Variants in ASTN2 observed in about 807,000 individuals in gnomAD.
The protein encoded by ASTN2 is astrotactin 2, also known as astrotactin-2.
A neutral mutation model predicts 139.8 loss-of-function variants in ASTN2; 54 were observed. The observed-to-expected ratio is 0.39, with a 90% CI of 0.31 to 0.48. The LOEUF (loss-of-function observed/expected upper bound fraction) is 0.48. Ranked by LOEUF, ASTN2 falls within the 20% of genes least tolerant of loss-of-function variation. ASTN2 has a pLI of 0.95. For missense variants in ASTN2, 1,565 were observed against 1,725.1 expected, an observed-to-expected ratio of 0.91 and a Z score of 1.64; for synonymous variants, 756 against 719.5, an observed-to-expected ratio of 1.05 and a Z score of -0.81.
intron 4 of ASTN2, among the ~76,000 whole-genome samples, chr9:117,127,538 T>C (rs115603430): frequency 0.011 from 1,729 of 152,264 alleles, 40 homozygotes; most frequent in African/African-American, 0.039. Context: ...GAAAAGCTAA[T>C]GCACTGAGAA....
intron 2 of ASTN2, among the ~76,000 whole-genome samples, chr9:117,224,673 C>T (rs1832643466): frequency 1.3e-5 from 2 of 152,206 alleles, no homozygotes; most frequent in South Asian, 2.1e-4. Context: ...CCTGGTATTA[C>T]AGGTGTAAAT....
At position 117,414,577 on chromosome 9, in the gene ASTN2, A is replaced by G; in HGVS notation, c.362T>C (p.Leu121Pro). The G allele has an allele frequency of 6.3e-7, 1 of 1,587,792 alleles. No individual in the cohort carries two copies. The highest frequency in any genetic ancestry group is 8.6e-7 in the Non-Finnish European group (1 of 1,168,886). Residue 121 changes from leucine (L) to proline (P), a missense_variant, in exon 1 of 23, where the codon CTC (leucine) becomes CCC (proline). Leu to Pro is a moderately conservative substitution (Grantham distance 98). Transcript: ENST00000313400. This position sits in a 1 kb window ranked among gnomAD's most constrained non-coding sequence, Gnocchi z 4.2. ...AGTAAESRLLLFVRNELPGRI... is the reference protein window; with the variant it reads ...AGTAAESRLLPFVRNELPGRI... ...CCCCGGCAGCTCGTTACGCACAAAG[A>G]GCAGGAGGCGCGACTCGGCGGCGGT...
intron 9 of ASTN2, 57 bp from the exon 10 acceptor site, chr9:116,975,402 A>T: frequency 6.6e-7 from 1 of 1,509,968 alleles, no homozygotes; most frequent in South Asian, 1.4e-5. Flanking sequence ...GCAAACAGAA[A>T]AAAGGGGCCC....
At chr9:116,735,675 G>T (rs1263502998) in intron 13 of ASTN2, among the ~76,000 whole-genome samples, 1 of 152,188 alleles carries the variant, frequency 6.6e-6, no homozygotes, top group Non-Finnish European at 1.5e-5. Context: ...TTCTGCATGT[G>T]CTGGGTGCTG....
intron 3 of ASTN2, among the ~76,000 whole-genome samples, chr9:117,206,612 G>A (rs1306561067): frequency 1.3e-5 from 2 of 152,104 alleles, no homozygotes; most frequent in African/African-American, 2.4e-5. Context: ...AAGCCCACAC[G>A]GGTGGCTGAA....
intron 16 of ASTN2, among the ~76,000 whole-genome samples, chr9:116,676,767 T>C (rs945609176): frequency 3.3e-5 from 5 of 152,242 alleles, no homozygotes; most frequent in Admixed American, 3.3e-4. Context: ...AGTGGTGGCC[T>C]GGGTTCAATT....
At chr9:116,910,756 T>C (rs1834288605) in intron 10 of ASTN2, among the ~76,000 whole-genome samples, 1 of 152,204 alleles carries the variant, frequency 6.6e-6, no homozygotes, top group Non-Finnish European at 1.5e-5. Context: ...TCATTACTTA[T>C]ATTTTCTCAG....
At chr9:116,902,055 T>C (rs573699814) in intron 10 of ASTN2, among the ~76,000 whole-genome samples, 12 of 152,164 alleles carry the variant, frequency 7.9e-5, no homozygotes, top group African/African-American at 2.9e-4. Context: ...TAAACAAACA[T>C]AATATAAAAT....
chr9:116,810,617 C>T (rs554268003), intron 12 of ASTN2, among the ~76,000 whole-genome samples: 4 of 152,212 alleles, frequency 2.6e-5, no homozygotes, highest in South Asian at 2.1e-4. Context: ...TTGCATCCTA[C>T]GAACATAAAG....
chr9:117,072,042 C>T (rs1828150285), intron 5 of ASTN2, among the ~76,000 whole-genome samples: 1 of 152,144 alleles, frequency 6.6e-6, no homozygotes. Flanking sequence ...CCCCCACTCC[C>T]ATTTTACAGA....
At chr9:117,159,253 A>T (rs1279200453) in intron 3 of ASTN2, among the ~76,000 whole-genome samples, 2 of 151,986 alleles carry the variant, frequency 1.3e-5, no homozygotes, top group Non-Finnish European at 2.9e-5. Flanking sequence ...CAGTTTTTTT[A>T]AAATCCCCCC....
chr9:116,780,850 T>TTA (rs1446102311), intron 13 of ASTN2, among the ~76,000 whole-genome samples: 2 of 151,732 alleles, frequency 1.3e-5, no homozygotes, highest in East Asian at 3.9e-4. Flanking sequence ...ATTCTTTTTT[T>TTA]TTTTTTGAGA....
intron 1 of ASTN2, among the ~76,000 whole-genome samples, chr9:117,399,429 A>G (rs1830764375): frequency 1.3e-5 from 2 of 152,230 alleles, no homozygotes; most frequent in Admixed American, 1.3e-4. Flanking sequence ...TGAATTTTAG[A>G]GGACTATCTT....
rs199508723 is a variant in ASTN2 at position 117,140,672 on chromosome 9, A to AGAGAAG, written c.1168+648_1168+653dup. Among the ~76,000 whole-genome samples, 662 of 151,778 alleles carry AGAGAAG rather than the reference A, an allele frequency of 4.4e-3. 15 individuals are homozygous for AGAGAAG. In the East Asian group the frequency reaches 0.061, roughly 14 times the overall value. ...GAGGAGGAGGGGAGGAGAGAAGAGA[A>AGAGAAG]GAGAAGGAGAAGGAGAAGGAGAAGA... On this transcript the variant is annotated intron_variant, in intron 4 of 22. Coordinates refer to ENST00000313400, the MANE Select transcript of ASTN2 (RefSeq NM_001365068.1).
intron 2 of ASTN2, among the ~76,000 whole-genome samples, chr9:117,266,627 G>A (rs760992055): frequency 2.0e-5 from 3 of 152,076 alleles, no homozygotes; most frequent in Non-Finnish European, 4.4e-5. Flanking sequence ...TCTACCACCT[G>A]CAAAAAAATA....
At chr9:116,664,908 G>C (rs1244268371) in intron 16 of ASTN2, among the ~76,000 whole-genome samples, 1 of 152,158 alleles carries the variant, frequency 6.6e-6, no homozygotes, top group Non-Finnish European at 1.5e-5. Flanking sequence ...GTAATCCCCA[G>C]TGTTGGAGGT....
chr9:117,065,349 T>A (rs1827904698), intron 5 of ASTN2, among the ~76,000 whole-genome samples: 1 of 152,182 alleles, frequency 6.6e-6, no homozygotes, highest in African/African-American at 2.4e-5. Flanking sequence ...CTGGAGTGCC[T>A]TTCCTCACAT....
chr9:117,372,840 A>G (rs1255314110), intron 1 of ASTN2, among the ~76,000 whole-genome samples: 1 of 152,156 alleles, frequency 6.6e-6, no homozygotes, highest in Non-Finnish European at 1.5e-5. Context: ...AAATTCCTCA[A>G]GCAGATTCTT....
At chr9:117,215,734 T>C (rs1415388534) in intron 2 of ASTN2, among the ~76,000 whole-genome samples, 2 of 152,118 alleles carry the variant, frequency 1.3e-5, no homozygotes, top group African/African-American at 2.4e-5. Context: ...AATTGTTCTG[T>C]GCCAGAAACC....
Sources: allele counts gnomAD v4.1 joint callset (sites outside exome capture counted in the v4.1 genomes callset), GRCh38; gene constraint gnomAD v4.1.1; non-coding constraint Gnocchi (gnomAD v3.1); transcripts MANE v1.5; gene names NCBI Gene and HGNC (gene_info 2026-07-23, HGNC 2026-07-21).